Variants in ADD2 observed in about 807,000 individuals in gnomAD.
ADD2 encodes the protein adducin 2, also known as beta-adducin.
Under a neutral mutation model 83.0 loss-of-function variants are expected in ADD2, and 23 were observed. That is an observed-to-expected ratio of 0.28 (90% CI 0.20 to 0.39). ADD2 has a LOEUF of 0.39. Among genes scored for constraint, ADD2 ranks in the 10% least tolerant of loss-of-function variants. ADD2 has a pLI of 1.00. For missense variants in ADD2, 758 were observed against 944.9 expected, an observed-to-expected ratio of 0.80 and a Z score of 2.59; for synonymous variants, 375 against 375.4, an observed-to-expected ratio of 1.00 and a Z score of 0.01.
chr2:70,751,322 T>TTA (rs1674498493), intron 1 of ADD2, among the ~76,000 whole-genome samples: 1 of 152,190 alleles, frequency 6.6e-6, no homozygotes, highest in Non-Finnish European at 1.5e-5. Flanking sequence ...CCCTTACTAA[T>TTA]GCTTAGGGTA....
intron 1 of ADD2, among the ~76,000 whole-genome samples, chr2:70,752,467 G>A (rs1192046453): frequency 6.6e-6 from 1 of 152,138 alleles, no homozygotes; most frequent in Non-Finnish European, 1.5e-5. Context: ...AACACAGCCT[G>A]ACATGCAGGA....
intron 15 of ADD2, among the ~76,000 whole-genome samples, chr2:70,667,220 G>A (rs1553366272): frequency 6.6e-6 from 1 of 152,066 alleles, no homozygotes; most frequent in East Asian, 1.9e-4. Flanking sequence ...GGTGAGTAGA[G>A]TGGGGCAGAA....
At chr2:70,687,954 TCAC>T in intron 9 of ADD2, 67 bp downstream of exon 9, 2 of 1,167,204 alleles carry the variant, frequency 1.7e-6, no homozygotes, top group Non-Finnish European at 2.6e-6. Flanking sequence ...GCCAACAGGG[TCAC>T]CACGTTTGCC....
chr2:70,708,263 G>C (rs1467023000), intron 2 of ADD2, among the ~76,000 whole-genome samples: 2 of 152,166 alleles, frequency 1.3e-5, no homozygotes, highest in African/African-American at 4.8e-5. Context: ...TCAAGGGAAG[G>C]CGCATGGACA....
chr2:70,723,906 T>C (rs1672853398), intron 1 of ADD2, among the ~76,000 whole-genome samples: 3 of 152,154 alleles, frequency 2.0e-5, no homozygotes, highest in African/African-American at 7.2e-5. Flanking sequence ...GGAGGGTAAA[T>C]GCAAGGGGAG....
At chr2:70,669,333 C>T (rs1669804875) in intron 15 of ADD2, among the ~76,000 whole-genome samples, 1 of 152,100 alleles carries the variant, frequency 6.6e-6, no homozygotes, top group Non-Finnish European at 1.5e-5. Context: ...AGAAGGTGGA[C>T]CAAGAAATAG....
chr2:70,695,461 A>G (rs1553372417), intron 6 of ADD2, among the ~76,000 whole-genome samples: 2 of 151,716 alleles, frequency 1.3e-5, no homozygotes, highest in African/African-American at 2.4e-5. Flanking sequence ...TAGCCATCCC[A>G]TGAGTCTGCT....
At chr2:70,713,253 C>A (rs1672291163) in intron 1 of ADD2, 69 bp from the exon 2 acceptor site, 3 of 637,640 alleles carry the variant, frequency 4.7e-6, no homozygotes, top group Non-Finnish European at 2.0e-6. Flanking sequence ...TTTATAAGAG[C>A]TTCTGGGAAA....
In ADD2 at chr2:70,676,181, A is replaced by T. The variant is rs1216099648; in HGVS notation, c.1593+615T>A. On this transcript the variant is annotated intron_variant, in intron 13 of 15. Transcript: ENST00000264436. The surrounding 1 kb of genome is among the most constrained non-coding windows in gnomAD (Gnocchi z 4.8). ...AAGGAGCAGCAGTGATTTCAAACAC[A>T]TGCCAGAATTCTGAACTTCACCCCT... 3 of 985,710 alleles carry T rather than the reference A, an allele frequency of 3.0e-6. No individual in the cohort carries two copies. Among genetic ancestry groups the T allele is most frequent in the Non-Finnish European group, 3.6e-6 (3 of 830,108 alleles). 61.1% of individuals were successfully genotyped at this position (985,710 alleles called of 1,614,324 possible). A position where few individuals can be genotyped will look rare whatever the true frequency, so the allele number is the denominator to read the frequency against.
Position 70,676,932 on chromosome 2 carries a change from G to A in ADD2, c.1504-47C>T. The A allele has an allele frequency of 2.5e-6, 4 of 1,595,486 alleles. No individual in the cohort carries two copies. The highest frequency in any genetic ancestry group is 3.4e-6 in the Non-Finnish European group (4 of 1,167,612). On this transcript the variant is annotated intron_variant, in intron 12 of 15. Coordinates refer to ENST00000264436, the MANE Select transcript of ADD2 (RefSeq NM_001617.4). This position sits in a 1 kb window ranked among gnomAD's most constrained non-coding sequence, Gnocchi z 4.8. ...AGAGTGAGCTGGCTGTTCAGGGTCA[G>A]CGTGGAGTTTGGGAGGGGGCATACG...
At chr2:70,675,158 C>G in intron 13 of ADD2, 1 of 1,034,118 alleles carries the variant, frequency 9.7e-7, no homozygotes, top group Non-Finnish European at 1.2e-6. Context: ...TATGCAAATA[C>G]AGTTGGTGGC....
At chr2:70,718,643 A>G (rs1553376824) in intron 1 of ADD2, among the ~76,000 whole-genome samples, 2 of 152,188 alleles carry the variant, frequency 1.3e-5, no homozygotes, top group East Asian at 1.9e-4. Flanking sequence ...TGAAACTCCA[A>G]TAAGTGCCCA....
intron 12 of ADD2, 89 bp downstream of exon 12, chr2:70,677,669 G>A (rs1670233169): frequency 1.3e-6 from 2 of 1,526,236 alleles, no homozygotes; most frequent in Non-Finnish European, 1.8e-6. Context: ...AGCGAGTCAG[G>A]CACATCCTGG....
chr2:70,696,927 G>A (rs1671340891), intron 4 of ADD2, among the ~76,000 whole-genome samples: 5 of 152,238 alleles, frequency 3.3e-5, no homozygotes, highest in South Asian at 2.1e-4. Context: ...TTGGGAGGTC[G>A]AGGCGGGCGG....
rs781805746 is a variant in ADD2, at chr2:70,663,548, C to T, written c.2058G>A (p.Ser686=). Residue 686 remains serine, a synonymous_variant, in exon 16 of 16, where the codon TCG becomes TCA. Coordinates refer to ENST00000264436, the MANE Select transcript of ADD2 (RefSeq NM_001617.4). ...CTGGGGACATGGGGCCGCTGGTGAC[C>T]GACTCGGTTTTGTCCTTAGAGGTAT... ...DVDTSKDKTE[S]VTSGPMSPEG... 3.4e-5 allele frequency: 55 copies of T among 1,613,918 alleles called. No homozygotes were observed. The highest frequency in any genetic ancestry group is 1.3e-4 in the Admixed American group (8 of 59,990).
At position 70,767,961 on chromosome 2, in the gene ADD2, G is replaced by A; in HGVS notation, c.-229C>T. ...TGTTATTTTATGGGTTTGGGGGGTGGGGTGCGCTTAAAAAATCCACCCAGC... is the reference window on the plus strand; with the variant it reads ...TGTTATTTTATGGGTTTGGGGGGTGAGGTGCGCTTAAAAAATCCACCCAGC... On this transcript the variant is annotated 5_prime_UTR_variant, in exon 1 of 16. Coordinates refer to ENST00000264436, the MANE Select transcript of ADD2 (RefSeq NM_001617.4). 1 of 1,535,530 alleles carries A rather than the reference G, an allele frequency of 6.5e-7. No individual in the cohort carries two copies.
In ADD2 at chr2:70,743,596, T is replaced by C. The variant is rs781864163; in HGVS notation, c.-154+24290A>G. 4.5e-4 allele frequency among the ~76,000 whole-genome samples: 68 copies of C among 152,308 alleles called. No individual in the cohort carries two copies. In the Middle Eastern group the frequency reaches 0.024, roughly 53 times the overall value. ...CAAGTGTGTAACATTTCAAAGAAGT[T>C]TGTAAAATTCTGAAATACTTGCCAG... is the stretch of plus-strand genomic sequence containing the variant. On this transcript the variant is annotated intron_variant, in intron 1 of 15. Coordinates refer to ENST00000264436, the MANE Select transcript of ADD2 (RefSeq NM_001617.4).
chr2:70,762,100 G>C (rs1048415205), intron 1 of ADD2, among the ~76,000 whole-genome samples: 1 of 151,694 alleles, frequency 6.6e-6, no homozygotes, highest in South Asian at 2.1e-4. Context: ...AAATAGCTTG[G>C]AATTTTTTTA....
intron 3 of ADD2, among the ~76,000 whole-genome samples, chr2:70,705,538 C>T (rs1671842353): frequency 6.6e-6 from 1 of 152,210 alleles, no homozygotes; most frequent in Non-Finnish European, 1.5e-5. Context: ...CCCCTCTTGC[C>T]TCCACCACAG....
Sources: allele counts gnomAD v4.1 joint callset (sites outside exome capture counted in the v4.1 genomes callset), GRCh38; gene constraint gnomAD v4.1.1; non-coding constraint Gnocchi (gnomAD v3.1); transcripts MANE v1.5; gene names NCBI Gene and HGNC (gene_info 2026-07-23, HGNC 2026-07-21).